Variants in AMOTL2 observed in about 807,000 individuals in gnomAD.
AMOTL2 encodes the protein angiomotin-like protein 2.
AMOTL2 carries 33 observed loss-of-function variants against 78.4 expected under a neutral mutation model. That is an observed-to-expected ratio of 0.42 (90% confidence interval 0.32 to 0.56). The LOEUF is 0.56. Among genes scored for constraint, AMOTL2 ranks in the 20% least tolerant of loss-of-function variants. The pLI, the probability that AMOTL2 is intolerant of heterozygous loss-of-function variation, is 0.12. For synonymous variants in AMOTL2, 422 were observed against 428.8 expected (o/e 0.98, Z 0.20); for missense variants, 983 against 1,030.1 (o/e 0.95, Z 0.63).
At chr3:134,359,591 G>GC (rs75410942) in intron 7 of AMOTL2, 88 bp from the exon 8 acceptor site, 344,842 of 1,011,376 alleles carry the variant, frequency 0.34, 68,938 homozygotes, top group East Asian at 0.92. Flanking sequence ...TAGAGGAAAA[G>GC]CCCCCCCCAA....
Position 134,371,565 on chromosome 3 carries a change from C to T in AMOTL2, c.-61-71G>A, listed in dbSNP as rs2017868508. 14 of 1,483,016 alleles carry T rather than the reference C, an allele frequency of 9.4e-6. No individual in the cohort carries two copies. The East Asian group carries it at 3.4e-4, about 36-fold the overall frequency. The allele number at this position is 1,483,016 out of a possible 1,614,324, so 91.9% of individuals were successfully genotyped here. On this transcript the variant is annotated intron_variant, in intron 1 of 9. Transcript: ENST00000249883. ...ACCCATGGGAAAGGAGAAGGCTTTC[C>T]AGGATTTCCATTATTACTCTGGTGG...
intron 6 of AMOTL2, 91 bp downstream of exon 6, chr3:134,361,421 C>T: frequency 7.0e-7 from 1 of 1,424,938 alleles, no homozygotes; most frequent in Non-Finnish European, 9.3e-7. Context: ...CCCGGGGCCT[C>T]AGCCCTGGCC....
intron 8 of AMOTL2, 103 bp downstream of exon 8, chr3:134,359,180 C>T: frequency 7.6e-7 from 1 of 1,316,736 alleles, no homozygotes; most frequent in Non-Finnish European, 1.1e-6. Flanking sequence ...TCAGGAAGCC[C>T]TGGCTCCTAT....
At chr3:134,361,871 G>A in intron 5 of AMOTL2, 64 bp from the exon 6 acceptor site, 1 of 1,407,554 alleles carries the variant, frequency 7.1e-7, no homozygotes. Flanking sequence ...TTGCCTCCTG[G>A]GCTCAGTGCT....
chr3:134,374,992 G>A, upstream of AMOTL2: 1 of 1,422,848 alleles, frequency 7.0e-7, no homozygotes, highest in Non-Finnish European at 9.2e-7. Flanking sequence ...ATATCCTCTG[G>A]GCTGGGACAG....
chr3:134,366,040 G>A, intron 4 of AMOTL2, 131 bp from the exon 5 acceptor site: 2 of 1,107,668 alleles, frequency 1.8e-6, no homozygotes, highest in Non-Finnish European at 2.6e-6. Flanking sequence ...CCCCAGCTCA[G>A]CTCAGGGCCC....
In AMOTL2 at chr3:134,357,556, G is replaced by C. The variant is rs561804085; in HGVS notation, c.*149C>G. 2 of 824,318 alleles carry C rather than the reference G, an allele frequency of 2.4e-6. No homozygotes were observed. The highest frequency in any genetic ancestry group is 3.0e-5 in the South Asian group (2 of 65,644). 51.1% of individuals were successfully genotyped at this position (824,318 alleles called of 1,614,324 possible). A position where few individuals can be genotyped will look rare whatever the true frequency, so the allele number is the denominator to read the frequency against. ...TCCTCTCCCCTGGGGTCCTCCTCCT[G>C]AGCTCCTGGGACCAGATGGTCAATG... On this transcript the variant is annotated 3_prime_UTR_variant, in exon 10 of 10. Coordinates refer to ENST00000249883, the MANE Select transcript of AMOTL2 (RefSeq NM_016201.4).
rs1306193741 is a variant in AMOTL2 at position 134,361,679 on chromosome 3, C to A, written c.1408G>T (p.Ala470Ser). ...QALGNAQGRA[A>S]RAEEELRKKQ... ...TTGCGCAGCTCCTCTTCGGCTCGAG[C>A]TGCCCGGCCCTGCGCATTGCCCAGA... Residue 470 changes from alanine to serine, a missense_variant, in exon 6 of 10, where the codon GCT becomes TCT. Ala to Ser is a moderately conservative substitution (Grantham distance 99, BLOSUM62 1). Transcript: ENST00000249883. 6.2e-7 allele frequency: 1 copy of A among 1,611,234 alleles called. No individual in the cohort carries two copies. The highest frequency in any genetic ancestry group is 1.3e-5 in the African/African-American group (1 of 75,060).
At position 134,359,387 on chromosome 3, in the gene AMOTL2, G is replaced by T; in HGVS notation, c.2000C>A (p.Ser667Ter). The T allele has an allele frequency of 5.0e-6, 8 of 1,614,200 alleles. No homozygotes were observed. The highest frequency in any genetic ancestry group is 6.8e-6 in the Non-Finnish European group (8 of 1,180,024). ...AIQGSLRPAK[S>*]VPSVFAAAAA... ...CGCAGCCGCGAAAACAGATGGCACC[G>T]ACTTGGCAGGCCGCAGGGAGCCCTG... is the stretch of plus-strand genomic sequence containing the variant. The change falls in exon 8 of 10, where the codon TCG (serine) becomes TAG (stop). Residue 667 changes from serine (S) to a stop codon, truncating the protein, a stop_gained. Coordinates refer to ENST00000249883, the MANE Select transcript of AMOTL2 (RefSeq NM_016201.4). LOFTEE classifies it high-confidence loss of function.
At chr3:134,367,294 C>T (rs1222456023) in intron 3 of AMOTL2, among the ~76,000 whole-genome samples, 8 of 152,128 alleles carry the variant, frequency 5.3e-5, no homozygotes, top group South Asian at 4.1e-4. Flanking sequence ...CCTGCTCTGC[C>T]GGCCTCTCGG....
At chr3:134,358,118 A>G (rs2017153878) in intron 9 of AMOTL2, among the ~76,000 whole-genome samples, 1 of 152,228 alleles carries the variant, frequency 6.6e-6, no homozygotes. Context: ...GTGAAAGGGG[A>G]GTGGAAAAAG....
At position 134,361,534 on chromosome 3, in the gene AMOTL2, A is replaced by C; in HGVS notation, c.1553T>G (p.Leu518Arg). ...CACCTGCTGTGCACGCAGGGCCTTG[A>C]GTTCCTGCTCCAGGCGAGTCCGCAG... ...LRLRTRLEQE[L>R]KALRAQQRQA... The change falls in exon 6 of 10, where the codon CTC becomes CGC. Residue 518 changes from leucine to arginine, a missense_variant. Transcript: ENST00000249883. 1 of 1,612,046 alleles carries C rather than the reference A, an allele frequency of 6.2e-7. No homozygotes were observed. The highest frequency in any genetic ancestry group is 8.5e-7 in the Non-Finnish European group (1 of 1,179,086).
intron 2 of AMOTL2, 32 bp downstream of exon 2, chr3:134,370,668 G>A (rs546438217): frequency 4.0e-6 from 6 of 1,502,560 alleles, no homozygotes; most frequent in African/African-American, 2.8e-5. Context: ...AAGAAAGCCA[G>A]GAGTTGGAAA....
chr3:134,375,339 G>T (rs1455541109), upstream of AMOTL2: 1 of 1,124,946 alleles, frequency 8.9e-7, no homozygotes, highest in Non-Finnish European at 1.3e-6. Context: ...ACGGAGTTCT[G>T]TTATCATCCC....
In AMOTL2 at chr3:134,361,720, T is replaced by C. The variant is rs534964895; in HGVS notation, c.1367A>G (p.Glu456Gly). 6.2e-7 allele frequency: 1 copy of C among 1,608,676 alleles called. No homozygotes were observed. Among genetic ancestry groups the C allele is most frequent in the South Asian group, 1.1e-5 (1 of 90,870 alleles). ...ATTGCCCAGAGCCTGCTCCAGCAGC[T>C]CGGCACGCCGCCGCTGGTCCTCGAT... ...GAIEDQRRRA[E>G]LLEQALGNAQ... The change falls in exon 6 of 10, where the codon GAG becomes GGG. Residue 456 changes from glutamate (E) to glycine (G), a missense_variant. By Grantham distance (98) the Glu-to-Gly change is moderately conservative. Coordinates refer to ENST00000249883, the MANE Select transcript of AMOTL2 (RefSeq NM_016201.4).
chr3:134,363,361 T>C (rs575547388), intron 5 of AMOTL2, among the ~76,000 whole-genome samples: 30 of 152,264 alleles, frequency 2.0e-4, no homozygotes, highest in Non-Finnish European at 2.8e-4. Flanking sequence ...TGGCTTAACA[T>C]CCATTGAGTG....
At chr3:134,372,882 C>T (rs2017927710) in intron 1 of AMOTL2, among the ~76,000 whole-genome samples, 1 of 137,136 alleles carries the variant, frequency 7.3e-6, no homozygotes, top group Admixed American at 8.7e-5. Flanking sequence ...AAACTGGGAT[C>T]CAGGGAAAAC....
chr3:134,366,620 C>T, intron 3 of AMOTL2, 193 bp from the exon 4 acceptor site: 1 of 567,226 alleles, frequency 1.8e-6, no homozygotes, highest in South Asian at 2.5e-5. Context: ...CTGGGACCAG[C>T]AAGCAACGGT....
rs1004153914 is a variant in AMOTL2, at chr3:134,371,165, G to C, written c.269C>G (p.Thr90Ser). The stretch of plus-strand genomic sequence containing the variant: ...GGGCTGTGGGCATAGCCGGTAGAGG[G>C]TGTTCTCTGCCAGGTGGTTCTCACC... ...QGGENHLAEN[T>S]LYRLCPQPSK... Residue 90 changes from threonine to serine, a missense_variant, in exon 2 of 10, where the codon ACC (threonine) becomes AGC (serine). Coordinates refer to ENST00000249883, the MANE Select transcript of AMOTL2 (RefSeq NM_016201.4). The C allele has an allele frequency of 6.2e-7, 1 of 1,613,938 alleles. No homozygotes were observed.
Sources: allele counts gnomAD v4.1 joint callset (sites outside exome capture counted in the v4.1 genomes callset), GRCh38; gene constraint gnomAD v4.1.1; transcripts MANE v1.5; gene names NCBI Gene and HGNC (gene_info 2026-07-23, HGNC 2026-07-21).